The following CNTN4 variants were observed in gnomAD, a reference collection of about 807,000 sequenced individuals.
The protein encoded by CNTN4 is contactin 4.
In CNTN4, 77 loss-of-function variants were observed where a neutral mutation model predicts 122.5. The ratio of observed to expected loss-of-function variants is 0.63; its 90% confidence interval spans 0.52 to 0.76. CNTN4 has a LOEUF of 0.76. CNTN4 is among the 30% of genes least tolerant of loss of function. The pLI is 0.00. For missense variants in CNTN4, 1,256 were observed against 1,259.1 expected (o/e 1.00, Z 0.04); for synonymous variants, 512 against 447.0 (o/e 1.15, Z -1.83).
At chr3:2,644,736 G>T (rs367654680) in intron 4 of CNTN4, among the ~76,000 whole-genome samples, 70 of 146,900 alleles carry the variant, frequency 4.8e-4, no homozygotes, top group African/African-American at 1.4e-3. Flanking sequence ...ACTGAAAATG[G>T]GCGCAGGCTT....
chr3:2,910,710 G>A (rs2094290338), intron 12 of CNTN4, among the ~76,000 whole-genome samples: 3 of 152,072 alleles, frequency 2.0e-5, no homozygotes, highest in South Asian at 4.1e-4. Flanking sequence ...ATAAATAAAT[G>A]AAGTAACTAT....
rs200046341 is a variant in CNTN4 at position 2,183,971 on chromosome 3, A to AT, written c.-145+83342dup. 1.7e-3 allele frequency among the ~76,000 whole-genome samples: 255 copies of AT among 150,316 alleles called. 6 individuals are homozygous for AT. The East Asian group carries it at 0.042, about 25-fold the overall frequency. On this transcript the variant is annotated intron_variant, in intron 2 of 24. Transcript: ENST00000418658. ...AATATATTTTGTTCACATAAACTGA[A>AT]TTTTTTTTTTCTTTTTTTGAGACGT...
At chr3:2,131,766 C>A (rs2034461345) in intron 2 of CNTN4, among the ~76,000 whole-genome samples, 1 of 152,144 alleles carries the variant, frequency 6.6e-6, no homozygotes, top group Admixed American at 6.5e-5. Flanking sequence ...TTGATACCAG[C>A]AAAACAGTTA....
intron 4 of CNTN4, among the ~76,000 whole-genome samples, chr3:2,681,679 T>C (rs765781506): frequency 3.3e-5 from 5 of 152,126 alleles, no homozygotes; most frequent in Non-Finnish European, 7.3e-5. Flanking sequence ...TGTGTGTGTG[T>C]TTGTGTGCAT....
At chr3:2,937,139 G>A (rs1398098997) in intron 13 of CNTN4, among the ~76,000 whole-genome samples, 1 of 152,124 alleles carries the variant, frequency 6.6e-6, no homozygotes, top group Non-Finnish European at 1.5e-5. Context: ...TTTGTTTTTG[G>A]TTTGCTGTGC....
At chr3:2,164,719 A>T (rs2036121521) in intron 2 of CNTN4, among the ~76,000 whole-genome samples, 1 of 152,214 alleles carries the variant, frequency 6.6e-6, no homozygotes, top group South Asian at 2.1e-4. Context: ...ACAATGCAAC[A>T]TTCCTTTCAG....
At chr3:3,055,326 A>G (rs146410615) in intron 24 of CNTN4, among the ~76,000 whole-genome samples, 4 of 152,318 alleles carry the variant, frequency 2.6e-5, no homozygotes, top group Admixed American at 6.5e-5. Flanking sequence ...AGGGATTGAC[A>G]TTTTTAGATA....
intron 13 of CNTN4, among the ~76,000 whole-genome samples, chr3:2,959,357 G>C (rs1383563195): frequency 3.3e-5 from 5 of 152,118 alleles, no homozygotes; most frequent in Non-Finnish European, 7.4e-5. Flanking sequence ...GAGCGTCTGT[G>C]TAAAGCTCTT....
intron 17 of CNTN4, among the ~76,000 whole-genome samples, chr3:3,036,557 G>C (rs2125716190): frequency 6.6e-6 from 1 of 151,928 alleles, no homozygotes; most frequent in Admixed American, 6.6e-5. Context: ...GAGCCCAGGA[G>C]TTTGAGAGCA....
Position 2,304,595 on chromosome 3 carries a change from T to C in CNTN4, c.-144-34583T>C, listed in dbSNP as rs142832254. Among the ~76,000 whole-genome samples, 494 of 152,158 alleles carry C rather than the reference T, an allele frequency of 3.2e-3. 3 individuals carry two copies. The highest frequency in any genetic ancestry group is 0.011 in the African/African-American group (476 of 41,528). ...ACAACATAATTTAGATGAAACACTG[T>C]TGGCCTTGGTAATTAGGAAAATAAT... On this transcript the variant is annotated intron_variant, in intron 2 of 24. Transcript: ENST00000418658.
chr3:2,990,987 G>T (rs1433138720), intron 14 of CNTN4, among the ~76,000 whole-genome samples: 1 of 152,132 alleles, frequency 6.6e-6, no homozygotes. Context: ...TTTACGTAAA[G>T]AAGTGAGTCG....
chr3:2,299,017 T>TAA (rs148780634), intron 2 of CNTN4, among the ~76,000 whole-genome samples: 1 of 7,112 alleles, frequency 1.4e-4, no homozygotes, highest in Non-Finnish European at 5.7e-3. Context: ...ATTTCACCTG[T>TAA]CGGGGGGTTT....
chr3:2,944,333 A>G (rs1191747858), intron 13 of CNTN4, among the ~76,000 whole-genome samples: 1 of 152,174 alleles, frequency 6.6e-6, no homozygotes, highest in African/African-American at 2.4e-5. Context: ...GAGTTAAAAA[A>G]TAAATCTAAG....
intron 3 of CNTN4, among the ~76,000 whole-genome samples, chr3:2,493,675 TA>T (rs2076377252): frequency 6.6e-6 from 1 of 152,220 alleles, no homozygotes; most frequent in East Asian, 1.9e-4. Flanking sequence ...ACACCAATTT[TA>T]TTTTGGGCAA....
At chr3:2,413,412 G>A (rs1399690019) in intron 3 of CNTN4, among the ~76,000 whole-genome samples, 2 of 152,150 alleles carry the variant, frequency 1.3e-5, no homozygotes, top group African/African-American at 4.8e-5. Context: ...TTGGGAAAAT[G>A]GTGTTAAGTG....
intron 2 of CNTN4, among the ~76,000 whole-genome samples, chr3:2,301,287 C>A (rs1470042987): frequency 3.3e-5 from 5 of 152,168 alleles, no homozygotes; most frequent in Admixed American, 3.3e-4. Flanking sequence ...TCTTTATGGT[C>A]TGCATTATAT....
intron 3 of CNTN4, among the ~76,000 whole-genome samples, chr3:2,419,355 A>C (rs1457994081): frequency 6.6e-6 from 1 of 152,162 alleles, no homozygotes; most frequent in African/African-American, 2.4e-5. Flanking sequence ...AGAACTTGGA[A>C]TCTTCTATCA....
chr3:2,863,441 C>CT (rs2093690590), intron 7 of CNTN4, among the ~76,000 whole-genome samples: 2 of 40,458 alleles, frequency 4.9e-5, no homozygotes, highest in Non-Finnish European at 9.6e-5. Flanking sequence ...TCTATGGTTT[C>CT]TTCTTTTTTT....
chr3:2,187,648 C>A (rs1278867032), intron 2 of CNTN4, among the ~76,000 whole-genome samples: 1 of 152,148 alleles, frequency 6.6e-6, no homozygotes, highest in Non-Finnish European at 1.5e-5. Flanking sequence ...TGTGAGGACA[C>A]AATATCGACT....
Sources: gnomAD v4.1 joint callset for allele counts (sites outside exome capture counted in the v4.1 genomes callset) on GRCh38, gnomAD v4.1.1 for gene constraint, MANE v1.5 for transcripts, NCBI Gene and HGNC (gene_info 2026-07-23, HGNC 2026-07-21) for gene names.